The following NEDD4L variants were observed in gnomAD, a reference collection of about 807,000 sequenced individuals.
The protein encoded by NEDD4L is E3 ubiquitin-protein ligase NEDD4-like.
NEDD4L carries 54 observed loss-of-function variants against 148.9 expected under a neutral mutation model. The ratio of observed to expected loss-of-function variants is 0.36; its 90% CI spans 0.29 to 0.45. NEDD4L has a LOEUF of 0.45. NEDD4L is among the 20% of genes least tolerant of loss of function. The pLI is 1.00. For synonymous variants in NEDD4L, 433 were observed against 440.7 expected (o/e 0.98, Z 0.22); for missense variants, 856 against 1,233.8 (o/e 0.69, Z 4.59).
rs562156857 is a variant in NEDD4L at position 58,146,745 on chromosome 18, CA to C, written c.49-19041del. 9.7e-4 allele frequency among the ~76,000 whole-genome samples: 147 copies of C among 152,306 alleles called. 1 individual carries two copies. The highest frequency in any genetic ancestry group is 3.3e-3 in the African/African-American group (138 of 41,562). The stretch of plus-strand genomic sequence containing the variant: ...GGATGTGGAAGGGTGCAGAGCTGCT[CA>C]AGGTCAGCTTCCTGAGCCTGCGGTG... On this transcript the variant is annotated intron_variant, in intron 1 of 30. Coordinates refer to ENST00000400345, the MANE Select transcript of NEDD4L (RefSeq NM_001144967.3).
At chr18:58,327,423 C>T (rs575022243) in intron 9 of NEDD4L, among the ~76,000 whole-genome samples, 1 of 152,158 alleles carries the variant, frequency 6.6e-6, no homozygotes, top group Non-Finnish European at 1.5e-5. Context: ...AATCCAAGTT[C>T]GGGCTCACAT....
rs1217771372 is a variant in NEDD4L, at chr18:58,280,872, A to G, written c.297+28818A>G. 2.0e-4 allele frequency among the ~76,000 whole-genome samples: 30 copies of G among 152,204 alleles called. 1 individual carries two copies. Among genetic ancestry groups the G allele is most frequent in the Non-Finnish European group, 4.4e-5 (3 of 68,038 alleles). On this transcript the variant is annotated intron_variant, in intron 5 of 30. Coordinates refer to ENST00000400345, the MANE Select transcript of NEDD4L (RefSeq NM_001144967.3). The stretch of plus-strand genomic sequence containing the variant: ...AGGGTCATTTAAAAATGACTGATGT[A>G]ATTTGGTAAAAGATTAATCAACAAA...
chr18:58,235,583 C>T (rs192075276), intron 2 of NEDD4L, among the ~76,000 whole-genome samples: 1 of 152,188 alleles, frequency 6.6e-6, no homozygotes, highest in Non-Finnish European at 1.5e-5. Flanking sequence ...AACTTGCTCT[C>T]TTTTTTAGTT....
At chr18:58,045,099 C>T in intron 1 of NEDD4L, 1 of 400,026 alleles carries the variant, frequency 2.5e-6, no homozygotes, top group Admixed American at 4.4e-5. Context: ...CATGTCACGT[C>T]TGGGTCGCGC....
intron 9 of NEDD4L, among the ~76,000 whole-genome samples, chr18:58,328,510 C>T (rs1421147479): frequency 6.6e-6 from 1 of 152,164 alleles, no homozygotes; most frequent in Non-Finnish European, 1.5e-5. Flanking sequence ...GGTGTACTTT[C>T]CTCCAGATGA....
chr18:58,134,271 C>A (rs2032548508), intron 1 of NEDD4L, among the ~76,000 whole-genome samples: 3 of 151,912 alleles, frequency 2.0e-5, no homozygotes, highest in Non-Finnish European at 4.4e-5. Context: ...AAAGTGCTGG[C>A]ATTACAGGCA....
chr18:58,318,132 C>T lies in NEDD4L; in HGVS notation c.348+2100C>T, dbSNP rs564983968. Among the ~76,000 whole-genome samples the T allele has an allele frequency of 4.6e-5, 7 of 152,048 alleles. No homozygotes were observed. The South Asian group carries it at 1.5e-3, about 32-fold the overall frequency. On this transcript the variant is annotated intron_variant, in intron 6 of 30. Coordinates refer to ENST00000400345, the MANE Select transcript of NEDD4L (RefSeq NM_001144967.3). ...CACACAGGTATGAGTGTGGAGAGGGCGGGAGCATATGCGTGTATTTTGTGG... is the reference window on the plus strand; with the variant it reads ...CACACAGGTATGAGTGTGGAGAGGGTGGGAGCATATGCGTGTATTTTGTGG...
intron 1 of NEDD4L, among the ~76,000 whole-genome samples, chr18:58,107,048 G>A (rs1049537675): frequency 6.6e-6 from 1 of 152,180 alleles, no homozygotes; most frequent in Non-Finnish European, 1.5e-5. Context: ...GTTCTTCTGA[G>A]ACATCCCTCC....
intron 1 of NEDD4L, among the ~76,000 whole-genome samples, chr18:58,112,522 T>A (rs1249086890): frequency 6.6e-6 from 1 of 152,112 alleles, no homozygotes; most frequent in Non-Finnish European, 1.5e-5. Context: ...AGAGTCTCAC[T>A]CTGATGCCTA....
rs1420835872 is a variant in NEDD4L, at chr18:58,255,933, A to AGGCCACGGACGG, written c.297+3893_297+3904dup. ...TCCGTGCAGATCTCCCTGCAGCGCA[A>AGGCCACGGACGG]GGCCACGGACGGGGCCACGGACGGG... On this transcript the variant is annotated intron_variant, in intron 5 of 30. Coordinates refer to ENST00000400345, the MANE Select transcript of NEDD4L (RefSeq NM_001144967.3). The AGGCCACGGACGG allele has an allele frequency of 2.4e-4, 295 of 1,231,450 alleles. No homozygotes were observed. The Admixed American group carries it at 6.8e-3, about 28-fold the overall frequency. 76.3% of individuals were successfully genotyped at this position (1,231,450 alleles called of 1,614,324 possible). A position where few individuals can be genotyped will look rare whatever the true frequency, so the allele number is the denominator to read the frequency against.
At chr18:58,147,362 G>C (rs974672970) in intron 1 of NEDD4L, among the ~76,000 whole-genome samples, 4 of 151,916 alleles carry the variant, frequency 2.6e-5, no homozygotes, top group Non-Finnish European at 4.4e-5. Flanking sequence ...ACTTTCCCTG[G>C]TGTAATATTA....
At position 58,371,034 on chromosome 18, in the gene NEDD4L, A is replaced by T. The variant is rs575172878; in HGVS notation, c.2256+567A>T. On this transcript the variant is annotated intron_variant, in intron 23 of 30. Transcript: ENST00000400345. ...ACCATTTTAGAGTTGGAAGGATTTT[A>T]TTTTTTTTTTATTTTTTTTATTTTT... Among the ~76,000 whole-genome samples, 28 of 149,008 alleles carry T rather than the reference A, an allele frequency of 1.9e-4. No individual in the cohort carries two copies. In the South Asian group the frequency reaches 2.4e-3, roughly 13 times the overall value.
At chr18:58,284,318 AT>A (rs1301380149) in intron 5 of NEDD4L, among the ~76,000 whole-genome samples, 1 of 152,232 alleles carries the variant, frequency 6.6e-6, no homozygotes, top group African/African-American at 2.4e-5. Context: ...TCTAATGCTG[AT>A]TGCAGTGAAA....
chr18:58,116,379 TA>T (rs1291136441), intron 1 of NEDD4L, among the ~76,000 whole-genome samples: 1 of 152,238 alleles, frequency 6.6e-6, no homozygotes, highest in East Asian at 1.9e-4. Context: ...TGCCTTCTCA[TA>T]ATGTGGTTTT....
At chr18:58,048,160 G>T (rs901367278) in intron 1 of NEDD4L, among the ~76,000 whole-genome samples, 13 of 152,082 alleles carry the variant, frequency 8.5e-5, no homozygotes, top group African/African-American at 3.1e-4. Flanking sequence ...CCACATTCTA[G>T]CCTAGTCACA....
chr18:58,060,318 T>C (rs1473736268), intron 1 of NEDD4L, among the ~76,000 whole-genome samples: 6 of 152,178 alleles, frequency 3.9e-5, no homozygotes, highest in African/African-American at 1.4e-4. Flanking sequence ...GTAAGTATGT[T>C]GCCCAGACTG....
chr18:58,128,694 T>A (rs1450694208), intron 1 of NEDD4L, among the ~76,000 whole-genome samples: 1 of 152,214 alleles, frequency 6.6e-6, no homozygotes, highest in Non-Finnish European at 1.5e-5. Context: ...GTGCTTGCTG[T>A]TTCTGTGTGT....
chr18:58,085,836 A>G (rs2083733204), intron 1 of NEDD4L, among the ~76,000 whole-genome samples: 3 of 152,310 alleles, frequency 2.0e-5, no homozygotes, highest in Middle Eastern at 3.4e-3. Context: ...TGATTCTCCT[A>G]AGAGAGTTTT....
intron 19 of NEDD4L, among the ~76,000 whole-genome samples, chr18:58,357,975 T>C (rs1172674054): frequency 6.6e-6 from 1 of 152,114 alleles, no homozygotes; most frequent in Non-Finnish European, 1.5e-5. Context: ...GCTATACGAG[T>C]GCAGGGAGGT....
Sources: gnomAD v4.1 joint callset for allele counts (sites outside exome capture counted in the v4.1 genomes callset) on GRCh38, gnomAD v4.1.1 for gene constraint, MANE v1.5 for transcripts, NCBI Gene and HGNC (gene_info 2026-07-23, HGNC 2026-07-21) for gene names.